Variants in MAPK10 observed in about 807,000 individuals in gnomAD.
The protein encoded by MAPK10 is mitogen-activated protein kinase 10, also known as JNK3 alpha protein kinase.
A neutral mutation model predicts 59.3 loss-of-function variants in MAPK10; 25 were observed. That is an observed-to-expected ratio of 0.42 (90% CI 0.31 to 0.59). MAPK10 has a LOEUF of 0.59. Among genes scored for constraint, MAPK10 ranks in the 20% least tolerant of loss-of-function variants. The pLI, the probability that MAPK10 is intolerant of heterozygous loss-of-function variation, is 0.15. For synonymous variants in MAPK10, 190 were observed against 200.5 expected (o/e 0.95, Z 0.44); for missense variants, 351 against 568.9 (o/e 0.62, Z 3.90).
intron 1 of MAPK10, among the ~76,000 whole-genome samples, chr4:86,373,743 A>G (rs1403426599): frequency 6.6e-6 from 1 of 152,220 alleles, no homozygotes; most frequent in Non-Finnish European, 1.5e-5. Flanking sequence ...ATCATGAGAA[A>G]GTCAGGAAAC....
chr4:86,045,383 TATG>T (rs2042311402), intron 11 of MAPK10, among the ~76,000 whole-genome samples: 1 of 152,124 alleles, frequency 6.6e-6, no homozygotes. Flanking sequence ...CCCTCTACCA[TATG>T]ATATTACTCA....
chr4:86,556,660 A>G (rs1760292277), intron 1 of MAPK10, among the ~76,000 whole-genome samples: 2 of 152,168 alleles, frequency 1.3e-5, no homozygotes, highest in Admixed American at 6.5e-5. Context: ...GTTTCACACA[A>G]TACAGAGCTG....
intron 11 of MAPK10, among the ~76,000 whole-genome samples, chr4:86,035,211 A>C (rs545594239): frequency 2.7e-4 from 41 of 151,828 alleles, no homozygotes; most frequent in African/African-American, 9.4e-4. Context: ...CCTCTACTAA[A>C]AATACAAAAA....
chr4:86,126,851 TGTGATTTCCCCATATCCAATCC>T (rs1198552483), intron 4 of MAPK10, among the ~76,000 whole-genome samples: 3 of 152,050 alleles, frequency 2.0e-5, no homozygotes, highest in South Asian at 2.1e-4. Context: ...GTTTTCCTCA[TGTGATTTCCCCATATCCAATCC>T]GTGATTTCCC....
rs1417751328 is a variant in MAPK10 at position 86,089,453 on chromosome 4, CTCAAGGCCCTTTTCTG to C, written c.802+9055_802+9070del. ...TGGTGGAAAGGGGAGAACATAGGCT[CTCAAGGCCCTTTTCTG>C]TCATATAACAGAAATAACAACACTA... On this transcript the variant is annotated intron_variant, in intron 9 of 13. Coordinates refer to ENST00000641462, the MANE Select transcript of MAPK10 (RefSeq NM_138982.4). 78 of 527,274 alleles carry C rather than the reference CTCAAGGCCCTTTTCTG, an allele frequency of 1.5e-4. No homozygotes were observed. The Middle Eastern group carries it at 2.7e-3, about 18-fold the overall frequency. 32.7% of individuals were successfully genotyped at this position (527,274 alleles called of 1,614,324 possible). A position where few individuals can be genotyped will look rare whatever the true frequency, so the allele number is the denominator to read the frequency against.
At chr4:86,270,897 A>G (rs1030689702) in intron 2 of MAPK10, among the ~76,000 whole-genome samples, 4 of 152,226 alleles carry the variant, frequency 2.6e-5, no homozygotes, top group African/African-American at 9.6e-5. Flanking sequence ...CTAAATGAAT[A>G]TACTATAGTT....
chr4:86,411,496 G>T (rs1206751710), intron 1 of MAPK10, among the ~76,000 whole-genome samples: 2 of 152,202 alleles, frequency 1.3e-5, no homozygotes, highest in Non-Finnish European at 2.9e-5. Context: ...AATATTGACA[G>T]TGGAGTGTTA....
chr4:86,590,640 G>T (rs1762972606), intron 1 of MAPK10, among the ~76,000 whole-genome samples: 1 of 152,086 alleles, frequency 6.6e-6, no homozygotes, highest in East Asian at 1.9e-4. Flanking sequence ...TAAAAAATTA[G>T]CTGGGCATGG....
chr4:86,176,116 T>A (rs1180033205), intron 3 of MAPK10: 1 of 152,160 alleles, frequency 6.6e-6, no homozygotes, highest in Non-Finnish European at 1.5e-5. Flanking sequence ...TGCATCATAC[T>A]TTCAAATAAT....
At chr4:86,477,906 T>C (rs1436804156) in intron 1 of MAPK10, among the ~76,000 whole-genome samples, 1 of 152,204 alleles carries the variant, frequency 6.6e-6, no homozygotes, top group Non-Finnish European at 1.5e-5. Flanking sequence ...GGACTGACCC[T>C]GACACCCATC....
intron 1 of MAPK10, among the ~76,000 whole-genome samples, chr4:86,585,845 C>T (rs1043499416): frequency 2.0e-5 from 3 of 152,096 alleles, no homozygotes; most frequent in Non-Finnish European, 2.9e-5. Context: ...AGACAATCGA[C>T]TTAAAAAAAT....
chr4:86,555,910 C>T (rs1760230882), intron 1 of MAPK10, among the ~76,000 whole-genome samples: 1 of 152,172 alleles, frequency 6.6e-6, no homozygotes, highest in African/African-American at 2.4e-5. Flanking sequence ...TTACCATCCA[C>T]ACCATTCCTT....
chr4:86,361,030 T>C (rs1736855369), upstream of MAPK10, among the ~76,000 whole-genome samples: 1 of 152,244 alleles, frequency 6.6e-6, no homozygotes, highest in Non-Finnish European at 1.5e-5. Flanking sequence ...TTCTGTTTAT[T>C]GCTACCAAGT....
chr4:86,172,004 C>T (rs1267421346), intron 3 of MAPK10, among the ~76,000 whole-genome samples: 59 of 145,254 alleles, frequency 4.1e-4, no homozygotes, highest in African/African-American at 1.5e-3. Flanking sequence ...CAGAGAAATG[C>T]AAATCAAAAC....
At chr4:86,411,879 G>A (rs1745219881) in intron 1 of MAPK10, among the ~76,000 whole-genome samples, 1 of 152,028 alleles carries the variant, frequency 6.6e-6, no homozygotes, top group African/African-American at 2.4e-5. Context: ...TCTTTTAATT[G>A]GAGTATTTAG....
At chr4:86,355,392 A>C (rs1190232698) in intron 1 of MAPK10, among the ~76,000 whole-genome samples, 3 of 151,824 alleles carry the variant, frequency 2.0e-5, no homozygotes, top group Non-Finnish European at 1.5e-5. Flanking sequence ...ACCTCACCCC[A>C]ACACCCCAGT....
In MAPK10 at chr4:86,032,910, T is replaced by C. The variant is rs6825701; in HGVS notation, c.1111-1479A>G. Reference sequence around the variant, plus strand: ...GGGGCAGAAGGCTGTAAACCTCACCTACTGCAATTCAGATGTGGCTGGCTG... The same window carrying C: ...GGGGCAGAAGGCTGTAAACCTCACCCACTGCAATTCAGATGTGGCTGGCTG... On this transcript the variant is annotated intron_variant, in intron 11 of 13. Coordinates refer to ENST00000641462, the MANE Select transcript of MAPK10 (RefSeq NM_138982.4). Among the ~76,000 whole-genome samples the C allele has an allele frequency of 9.0e-3, 1,364 of 152,274 alleles. 21 individuals carry two copies. Among genetic ancestry groups the C allele is most frequent in the African/African-American group, 0.031 (1,301 of 41,554 alleles).
intron 1 of MAPK10, among the ~76,000 whole-genome samples, chr4:86,575,989 G>A (rs546517294): frequency 2.9e-5 from 4 of 139,450 alleles, no homozygotes; most frequent in Admixed American, 1.5e-4. Flanking sequence ...ATAATATTGT[G>A]TGTGTATGCG....
At chr4:86,398,504 A>G (rs1041983501) in intron 1 of MAPK10, among the ~76,000 whole-genome samples, 18 of 152,328 alleles carry the variant, frequency 1.2e-4, no homozygotes, top group Admixed American at 1.1e-3. Context: ...TGCAGAGTCC[A>G]TGCACTGCCC....
Sources: allele counts gnomAD v4.1 joint callset (sites outside exome capture counted in the v4.1 genomes callset), GRCh38; gene constraint gnomAD v4.1.1; transcripts MANE v1.5; gene names NCBI Gene and HGNC (gene_info 2026-07-23, HGNC 2026-07-21).